The following ANO1 variants were observed in gnomAD, a reference collection of about 807,000 sequenced individuals.
ANO1 encodes anoctamin-1.
Under a neutral mutation model 124.0 loss-of-function variants are expected in ANO1, and 59 were observed. That is an observed-to-expected ratio of 0.48 (90% confidence interval 0.39 to 0.59). ANO1 has a LOEUF of 0.59. ANO1 is among the 20% of genes least tolerant of loss of function. ANO1 has a pLI of 0.00. For missense variants in ANO1, 1,059 were observed against 1,328.0 expected (o/e 0.80, Z 3.15); for synonymous variants, 529 against 532.0 (o/e 0.99, Z 0.08).
intron 1 of ANO1, among the ~76,000 whole-genome samples, chr11:70,068,747 C>T (rs1857795397): frequency 6.6e-6 from 1 of 152,168 alleles, no homozygotes; most frequent in Non-Finnish European, 1.5e-5. Context: ...TTCCCTAGCC[C>T]ACTCCTCCAA....
At chr11:69,977,934 G>A in the ANO1 span, among the ~76,000 whole-genome samples, 9 of 152,192 alleles carry the variant, frequency 5.9e-5, no homozygotes, top group Admixed American at 2.0e-4. Context: ...TCTCTTGAGG[G>A]GCTGTCATTT....
intron 1 of ANO1, among the ~76,000 whole-genome samples, chr11:70,016,822 C>A (rs66936705): frequency 6.6e-6 from 1 of 152,108 alleles, no homozygotes; most frequent in African/African-American, 2.4e-5. Context: ...AATCTGCTAT[C>A]GATACAGGGC....
chr11:70,163,479 T>C, intron 19 of ANO1, 139 bp downstream of exon 19: 1 of 1,053,532 alleles, frequency 9.5e-7, no homozygotes, highest in Non-Finnish European at 1.4e-6. Context: ...GCTGGAAACT[T>C]TTCTGTTCCC....
At chr11:69,966,070 A>T in the ANO1 span, among the ~76,000 whole-genome samples, 6 of 152,146 alleles carry the variant, frequency 3.9e-5, no homozygotes, top group African/African-American at 1.4e-4. Flanking sequence ...ATATCCAAAA[A>T]AAAAGGAGGT....
At chr11:70,041,609 A>G (rs1009171201) in intron 1 of ANO1, among the ~76,000 whole-genome samples, 2 of 152,210 alleles carry the variant, frequency 1.3e-5, no homozygotes, top group East Asian at 3.9e-4. Flanking sequence ...ACATAATAGC[A>G]GTAGGTATTC....
intron 1 of ANO1, among the ~76,000 whole-genome samples, chr11:69,999,503 T>G (rs1395434338): frequency 6.6e-6 from 1 of 152,176 alleles, no homozygotes; most frequent in African/African-American, 2.4e-5. Context: ...TTTAATGATT[T>G]AAGAAACTCC....
intron 1 of ANO1, among the ~76,000 whole-genome samples, chr11:70,070,111 T>C (rs781939413): frequency 7.2e-5 from 11 of 152,194 alleles, no homozygotes; most frequent in Non-Finnish European, 1.6e-4. Flanking sequence ...CTCTCTTCCT[T>C]ATGTTTTAAG....
intron 25 of ANO1, 125 bp downstream of exon 25, chr11:70,185,820 A>C: frequency 9.4e-7 from 1 of 1,069,018 alleles, no homozygotes; most frequent in African/African-American, 1.6e-5. Flanking sequence ...AGAGGCTTGG[A>C]GAACTTGCTC....
chr11:70,005,391 G>T (rs1554999902), intron 1 of ANO1, among the ~76,000 whole-genome samples: 1 of 152,146 alleles, frequency 6.6e-6, no homozygotes, highest in East Asian at 1.9e-4. Context: ...CAGAACCAGG[G>T]AGGAGATGGC....
At chr11:69,983,619 T>A (rs374832606), upstream of ANO1, among the ~76,000 whole-genome samples, 6 of 152,348 alleles carry the variant, frequency 3.9e-5, no homozygotes, top group East Asian at 7.7e-4. Flanking sequence ...GCGGGCCACA[T>A]GGGCAGCCCA....
chr11:69,995,243 G>A (rs1222750727), intron 1 of ANO1, among the ~76,000 whole-genome samples: 1 of 151,930 alleles, frequency 6.6e-6, no homozygotes, highest in Non-Finnish European at 1.5e-5. Flanking sequence ...GGGACTACAG[G>A]CGCGTGCCAC....
At chr11:70,071,572 C>T (rs1857874776) in intron 1 of ANO1, among the ~76,000 whole-genome samples, 2 of 151,958 alleles carry the variant, frequency 1.3e-5, no homozygotes, top group South Asian at 2.1e-4. Context: ...TACCAGATTT[C>T]AAATATGTAG....
At chr11:70,068,509 T>C (rs1487340621) in intron 1 of ANO1, among the ~76,000 whole-genome samples, 1 of 152,064 alleles carries the variant, frequency 6.6e-6, no homozygotes, top group Non-Finnish European at 1.5e-5. Flanking sequence ...AGATAACAGA[T>C]GCGGGGAAGC....
At position 70,163,298 on chromosome 11, in the gene ANO1, G is replaced by C. The variant is rs375335468; in HGVS notation, c.1908G>C (p.Pro636=). ...ATCGTTTCAGGTTTGTTGGACGCCC[G>C]GGCGACTACGTGTACATTTTCCGTT... ...AFFKGRFVGR[P]GDYVYIFRSF... is the part of the protein sequence containing the mutation. Residue 636 remains proline, a synonymous_variant, in exon 19 of 26, where the codon CCG becomes CCC. Coordinates refer to ENST00000355303, the MANE Select transcript of ANO1 (RefSeq NM_018043.7). 4 of 1,613,766 alleles carry C rather than the reference G, an allele frequency of 2.5e-6. No homozygotes were observed. Among genetic ancestry groups the C allele is most frequent in the African/African-American group, 2.7e-5 (2 of 75,058 alleles).
chr11:70,085,264 A>G (rs966345154), intron 1 of ANO1: 1 of 933,656 alleles, frequency 1.1e-6, no homozygotes, highest in Non-Finnish European at 1.5e-6. Flanking sequence ...CCCGTCCTTC[A>G]TGGGGCTGGG....
At chr11:70,021,144 C>A (rs1382355256) in intron 1 of ANO1, 10 of 152,128 alleles carry the variant, frequency 6.6e-5, no homozygotes, top group Admixed American at 6.5e-4. Flanking sequence ...CTCCCAAACG[C>A]ATGCCCATAA....
intron 1 of ANO1, among the ~76,000 whole-genome samples, chr11:69,989,226 T>C (rs76652385): frequency 0.015 from 2,357 of 152,242 alleles, 52 homozygotes; most frequent in African/African-American, 0.054. Flanking sequence ...GAGGCAGGAT[T>C]TGAACTCCAA....
At chr11:70,040,502 C>G (rs1330007379) in intron 1 of ANO1, among the ~76,000 whole-genome samples, 1 of 152,090 alleles carries the variant, frequency 6.6e-6, no homozygotes, top group Non-Finnish European at 1.5e-5. Flanking sequence ...CATAGTGAAA[C>G]CCGTCACTAC....
At chr11:70,099,920 G>A (rs887590835) in intron 2 of ANO1, among the ~76,000 whole-genome samples, 1 of 152,148 alleles carries the variant, frequency 6.6e-6, no homozygotes, top group Admixed American at 6.5e-5. Context: ...TCTGCCCCTC[G>A]AGGGCCACAG....
Sources: allele counts gnomAD v4.1 joint callset (sites outside exome capture counted in the v4.1 genomes callset), GRCh38; gene constraint gnomAD v4.1.1; transcripts MANE v1.5; gene names NCBI Gene and HGNC (gene_info 2026-07-23, HGNC 2026-07-21).